Variants in TGFA observed in about 807,000 individuals in gnomAD.
TGFA encodes protransforming growth factor alpha.
A neutral mutation model predicts 21.7 loss-of-function variants in TGFA; 12 were observed. The observed-to-expected ratio is 0.55, with a 90% CI of 0.35 to 0.90. The LOEUF (loss-of-function observed/expected upper bound fraction) is 0.90, where lower values mean the gene tolerates loss of function less well. Among genes scored for constraint, TGFA ranks in the 40% least tolerant of loss-of-function variants. The pLI, the probability that TGFA is intolerant of heterozygous loss-of-function variation, is 0.01. For synonymous variants in TGFA, 79 were observed against 88.1 expected (o/e 0.90, Z 0.58); for missense variants, 178 against 210.8 (o/e 0.84, Z 0.96).
chr2:70,468,073 C>G (rs1210110653), intron 2 of TGFA, among the ~76,000 whole-genome samples: 1 of 152,212 alleles, frequency 6.6e-6, no homozygotes, highest in Non-Finnish European at 1.5e-5. Flanking sequence ...AAGAGATTGT[C>G]TGGTATGACA....
chr2:70,451,191 G>C (rs1215931629), intron 5 of TGFA, among the ~76,000 whole-genome samples: 2 of 152,262 alleles, frequency 1.3e-5, no homozygotes, highest in African/African-American at 4.8e-5. Context: ...GTCAGATCCT[G>C]TAAGGGGTGG....
chr2:70,484,799 T>C (rs898657076), intron 2 of TGFA, among the ~76,000 whole-genome samples: 2 of 152,208 alleles, frequency 1.3e-5, no homozygotes, highest in Non-Finnish European at 2.9e-5. Context: ...TTCTCCAGCT[T>C]TCCCACAGAT....
chr2:70,532,618 A>C (rs1205914467), intron 1 of TGFA, among the ~76,000 whole-genome samples: 3 of 152,232 alleles, frequency 2.0e-5, no homozygotes, highest in Non-Finnish European at 2.9e-5. Context: ...TACTGGGATA[A>C]AAAACATACA....
In TGFA at chr2:70,456,463, G is replaced by A. The variant is rs1377948470; in HGVS notation, c.241C>T (p.Arg81Cys). The A allele has an allele frequency of 1.1e-5, 17 of 1,607,904 alleles. No individual in the cohort carries two copies. The highest frequency in any genetic ancestry group is 2.2e-5 in the East Asian group (1 of 44,516). ...CVCHSGYVGA[R>C]CEHADLLAVV... is the part of the protein sequence containing the mutation. ...GCCAGGAGGTCCGCATGCTCACAGC[G>A]TGCACCAACGTACCCAGAATGGCAG... is the stretch of plus-strand genomic sequence containing the variant. Residue 81 changes from arginine (R) to cysteine (C), a missense_variant, in exon 4 of 6, where the codon CGC becomes TGC. Transcript: ENST00000295400.
intron 2 of TGFA, among the ~76,000 whole-genome samples, chr2:70,502,735 C>T (rs1553499380): frequency 6.6e-6 from 1 of 152,172 alleles, no homozygotes; most frequent in Non-Finnish European, 1.5e-5. Context: ...TTGGCTCAGG[C>T]CATCTTGGTA....
intron 2 of TGFA, among the ~76,000 whole-genome samples, chr2:70,497,474 A>G (rs1671611479): frequency 6.6e-6 from 1 of 152,214 alleles, no homozygotes; most frequent in Non-Finnish European, 1.5e-5. Context: ...CAAAATAATG[A>G]AAAGCACTTT....
intron 1 of TGFA, among the ~76,000 whole-genome samples, chr2:70,525,793 C>CT (rs1222908192): frequency 6.6e-6 from 1 of 152,152 alleles, no homozygotes; most frequent in Non-Finnish European, 1.5e-5. Context: ...GCAGATGCCC[C>CT]TTAGGGAGCA....
chr2:70,526,373 G>A (rs1291421113), intron 1 of TGFA, among the ~76,000 whole-genome samples: 1 of 152,228 alleles, frequency 6.6e-6, no homozygotes, highest in African/African-American at 2.4e-5. Context: ...AACACACGGG[G>A]ATGATGCATT....
At chr2:70,483,632 C>T (rs10179737) in intron 2 of TGFA, among the ~76,000 whole-genome samples, 5,094 of 152,268 alleles carry the variant, frequency 0.033, 271 homozygotes, top group African/African-American at 0.12. Flanking sequence ...ACCTTTTCTA[C>T]CTGCCACAAG....
chr2:70,543,584 GTTTC>G (rs1673201806), intron 1 of TGFA, among the ~76,000 whole-genome samples: 1 of 151,236 alleles, frequency 6.6e-6, no homozygotes, highest in Admixed American at 6.6e-5. Context: ...TACAAAAAAT[GTTTC>G]TTTAATTAAA....
chr2:70,464,999 A>G (rs1439410407), intron 3 of TGFA, among the ~76,000 whole-genome samples: 1 of 152,010 alleles, frequency 6.6e-6, no homozygotes, highest in Non-Finnish European at 1.5e-5. Context: ...CCCAGGTCCC[A>G]CTCCTGGAGA....
intron 2 of TGFA, among the ~76,000 whole-genome samples, chr2:70,472,732 G>A (rs1241923820): frequency 1.3e-5 from 2 of 152,354 alleles, no homozygotes; most frequent in East Asian, 3.9e-4. Context: ...GCTGGTCAGC[G>A]GGAGCCGGCT....
chr2:70,515,253 C>T (rs545073586), intron 1 of TGFA, among the ~76,000 whole-genome samples: 1 of 152,102 alleles, frequency 6.6e-6, no homozygotes, highest in Non-Finnish European at 1.5e-5. Flanking sequence ...ATATACGTAA[C>T]ATAAAATTTA....
intron 2 of TGFA, among the ~76,000 whole-genome samples, chr2:70,466,274 C>T (rs1044703257): frequency 2.0e-5 from 3 of 152,126 alleles, no homozygotes; most frequent in Non-Finnish European, 2.9e-5. Flanking sequence ...TCTGGGAGGC[C>T]GAGGCAGACG....
At chr2:70,476,573 T>C (rs1670941077) in intron 2 of TGFA, among the ~76,000 whole-genome samples, 1 of 152,234 alleles carries the variant, frequency 6.6e-6, no homozygotes, top group South Asian at 2.1e-4. Flanking sequence ...TGCTTCCTCT[T>C]GTTGAGTCTT....
rs543663829 is a variant in TGFA, at chr2:70,514,605, G to A, written c.94+254C>T. On this transcript the variant is annotated intron_variant, in intron 2 of 5. Transcript: ENST00000295400. ...CCTGTTTTGGCACACTTGCCCACAG[G>A]AATTGTCTGAACAGCTGAAGAGAGA... Among the ~76,000 whole-genome samples the A allele has an allele frequency of 4.7e-4, 71 of 152,202 alleles. 1 individual carries two copies. Among genetic ancestry groups the A allele is most frequent in the Non-Finnish European group, 1.9e-4 (13 of 67,990 alleles).
intron 2 of TGFA, among the ~76,000 whole-genome samples, chr2:70,475,142 A>G (rs1553494003): frequency 6.6e-6 from 1 of 152,186 alleles, no homozygotes; most frequent in Non-Finnish European, 1.5e-5. Context: ...ACATGAACAC[A>G]GAAGTATTTT....
chr2:70,516,523 G>A (rs2103859909), intron 1 of TGFA, among the ~76,000 whole-genome samples: 1 of 150,208 alleles, frequency 6.7e-6, no homozygotes, highest in African/African-American at 2.5e-5. Context: ...TGTTTGGGCT[G>A]GAGTTGGAGG....
chr2:70,451,128 G>T (rs1317606340), intron 5 of TGFA, among the ~76,000 whole-genome samples: 2 of 151,512 alleles, frequency 1.3e-5, no homozygotes, highest in African/African-American at 4.9e-5. Flanking sequence ...GCAGATGGGG[G>T]GGAGCGGGGG....
Sources: gnomAD v4.1 joint callset for allele counts (sites outside exome capture counted in the v4.1 genomes callset) on GRCh38, gnomAD v4.1.1 for gene constraint, MANE v1.5 for transcripts, NCBI Gene and HGNC (gene_info 2026-07-23, HGNC 2026-07-21) for gene names.